The following ANKRD10 variants were observed in gnomAD, a reference collection of about 807,000 sequenced individuals.
The protein encoded by ANKRD10 is ankyrin repeat domain 10, also known as ankyrin repeat domain-containing protein 10.
ANKRD10 carries 14 observed loss-of-function variants against 27.0 expected under a neutral mutation model. The observed-to-expected ratio is 0.52, with a 90% CI of 0.34 to 0.81. The LOEUF (loss-of-function observed/expected upper bound fraction) is 0.81, where lower values mean the gene tolerates loss of function less well. ANKRD10 is among the 40% of genes least tolerant of loss of function. The probability of loss-of-function intolerance (pLI) is 0.01; values close to 1 mark genes in which losing one functional copy is unlikely to be tolerated. For missense variants in ANKRD10, 493 were observed against 544.0 expected, an observed-to-expected ratio of 0.91 and a Z score of 0.93; for synonymous variants, 250 against 224.5, an observed-to-expected ratio of 1.11 and a Z score of -1.01.
chr13:110,884,503 G>A (rs553817430), intron 4 of ANKRD10, among the ~76,000 whole-genome samples: 22 of 152,266 alleles, frequency 1.4e-4, no homozygotes, highest in Admixed American at 1.2e-3. Context: ...GTGTCTGAAC[G>A]GCTTCTCGTG....
At chr13:110,891,207 A>G (rs1311746537) in intron 4 of ANKRD10, among the ~76,000 whole-genome samples, 1 of 152,258 alleles carries the variant, frequency 6.6e-6, no homozygotes, top group African/African-American at 2.4e-5. Context: ...CAATTCGTGC[A>G]TGAGGGCATG....
At chr13:110,889,355 T>C (rs1178629781) in intron 4 of ANKRD10, among the ~76,000 whole-genome samples, 2 of 152,218 alleles carry the variant, frequency 1.3e-5, no homozygotes, top group African/African-American at 4.8e-5. Flanking sequence ...TATCCCAAGA[T>C]ACTTTCCATC....
intron 3 of ANKRD10, among the ~76,000 whole-genome samples, chr13:110,905,544 T>G (rs2065507776): frequency 6.6e-6 from 1 of 152,238 alleles, no homozygotes; most frequent in African/African-American, 2.4e-5. Context: ...ACAATGGGCT[T>G]TAAAACATAA....
chr13:110,914,253 T>G, intron 1 of ANKRD10, among the ~76,000 whole-genome samples: 1 of 152,002 alleles, frequency 6.6e-6, no homozygotes, highest in Non-Finnish European at 1.5e-5. Context: ...CGCCCGGGCA[T>G]TCCCCGCGCG....
intron 3 of ANKRD10, chr13:110,900,441 C>T: frequency 5.0e-6 from 5 of 1,004,190 alleles, no homozygotes; most frequent in Non-Finnish European, 6.2e-6. Flanking sequence ...AGGTAGATAT[C>T]ATAAATTAGG....
intron 5 of ANKRD10, among the ~76,000 whole-genome samples, chr13:110,881,528 ATT>A (rs3839993): frequency 8.5e-5 from 13 of 152,150 alleles, no homozygotes; most frequent in African/African-American, 2.7e-4. Context: ...AGGACAATAG[ATT>A]TTTTTTCCCC....
chr13:110,910,910 T>G (rs540758326), intron 1 of ANKRD10, 140 bp from the exon 2 acceptor site: 2 of 857,698 alleles, frequency 2.3e-6, no homozygotes, highest in Admixed American at 3.3e-5. Context: ...TCTTTCCCAA[T>G]GCCATGCAAA....
intron 2 of ANKRD10, 51 bp downstream of exon 2, chr13:110,910,567 C>G (rs747216678): frequency 1.2e-6 from 2 of 1,605,126 alleles, no homozygotes; most frequent in Non-Finnish European, 1.7e-6. Context: ...ATAATTATAA[C>G]TGCAAAAAGA....
Position 110,879,792 on chromosome 13 carries a change from C to A in ANKRD10, c.1108G>T (p.Asp370Tyr). 1 of 1,614,248 alleles carries A rather than the reference C, an allele frequency of 6.2e-7. No homozygotes were observed. The highest frequency in any genetic ancestry group is 8.5e-7 in the Non-Finnish European group (1 of 1,180,036). ...TGGTAGTGTCCATAGTACAGGTTAT[C>A]CCCAATGTCTTCCACCCAGGAAGGC... Reference protein sequence around the residue: ...SRPSWVEDIGDNLYYGHYHGF... With the variant: ...SRPSWVEDIGYNLYYGHYHGF... Residue 370 changes from aspartate to tyrosine, a missense_variant, in exon 6 of 6, where the codon GAT (aspartate) becomes TAT (tyrosine). Transcript: ENST00000267339.
At chr13:110,892,438 G>GAAAAAAAAAAAAAA (rs2065105005) in intron 4 of ANKRD10, among the ~76,000 whole-genome samples, 1 of 11,092 alleles carries the variant, frequency 9.0e-5, no homozygotes, top group African/African-American at 3.3e-4. Flanking sequence ...AAAAAAAAAT[G>GAAAAAAAAAAAAAA]GTGGGAGAAT....
At chr13:110,907,874 G>A (rs938917131) in intron 2 of ANKRD10, among the ~76,000 whole-genome samples, 1 of 151,708 alleles carries the variant, frequency 6.6e-6, no homozygotes, top group African/African-American at 2.4e-5. Flanking sequence ...AAAGAAAAAG[G>A]CTAAAAAGGA....
At chr13:110,888,109 C>A (rs990471793) in intron 4 of ANKRD10, among the ~76,000 whole-genome samples, 1 of 152,000 alleles carries the variant, frequency 6.6e-6, no homozygotes, top group Admixed American at 6.6e-5. Context: ...TGGGATGACT[C>A]CAGGCAGCAG....
At chr13:110,900,754 C>T (rs1388940921) in intron 3 of ANKRD10, 13 of 1,172,988 alleles carry the variant, frequency 1.1e-5, no homozygotes, top group African/African-American at 3.1e-5. Flanking sequence ...TGATTTAAAA[C>T]GGGCAATGGT....
In ANKRD10 at chr13:110,879,325, T is replaced by G. The variant is rs530558781; in HGVS notation, c.*312A>C. 3.4e-6 allele frequency: 1 copy of G among 296,868 alleles called. No homozygotes were observed. The highest frequency in any genetic ancestry group is 6.2e-5 in the East Asian group (1 of 16,110). 18.4% of individuals were successfully genotyped at this position (296,868 alleles called of 1,614,324 possible). On this transcript the variant is annotated 3_prime_UTR_variant, in exon 6 of 6. Transcript: ENST00000267339. ...CCAATTTATCTTGATCATATAATCT[T>G]TTAACAAAAAGAAAAATGGCAATAT...
At chr13:110,888,697 C>T (rs180793252) in intron 4 of ANKRD10, among the ~76,000 whole-genome samples, 2 of 152,258 alleles carry the variant, frequency 1.3e-5, no homozygotes, top group East Asian at 3.9e-4. Flanking sequence ...GGACAAAAGG[C>T]AGAGATCCTT....
chr13:110,893,131 C>T lies in ANKRD10; in HGVS notation c.588G>A (p.Gly196=), dbSNP rs775219691. 1.5e-5 allele frequency: 24 copies of T among 1,614,030 alleles called. No individual in the cohort carries two copies. Among genetic ancestry groups the T allele is most frequent in the Non-Finnish European group, 1.9e-5 (22 of 1,180,046 alleles). The stretch of plus-strand genomic sequence containing the variant: ...GATTAGGAAATACATTCTGATGACC[C>T]CCATTTAAGATGCCATTGTTATAGA... ...NHFYNNGILN[G]GHQNVFPNHI... Residue 196 remains glycine, a synonymous_variant, in exon 4 of 6, where the codon GGG becomes GGA. Transcript: ENST00000267339.
chr13:110,880,119 TAAG>T lies in ANKRD10; in HGVS notation c.788-10_788-8del. 6.2e-7 allele frequency: 1 copy of T among 1,607,418 alleles called. No individual in the cohort carries two copies. The highest frequency in any genetic ancestry group is 8.5e-7 in the Non-Finnish European group (1 of 1,175,290). Reference sequence around the variant, plus strand: ...GAGCTACTGTTTTTCATATCTGCATTAAGAAATACACCTGTCACCAAAATTCAG... The same window carrying T: ...GAGCTACTGTTTTTCATATCTGCATTAAATACACCTGTCACCAAAATTCAG... On this transcript the variant is annotated splice_region_variant and splice_polypyrimidine_tract_variant and intron_variant, in intron 5 of 5. Coordinates refer to ENST00000267339, the MANE Select transcript of ANKRD10 (RefSeq NM_017664.4).
intron 3 of ANKRD10, 40 bp from the exon 4 acceptor site, chr13:110,893,303 T>A: frequency 6.3e-7 from 1 of 1,593,860 alleles, no homozygotes; most frequent in Non-Finnish European, 8.6e-7. Context: ...CCCATCCGCG[T>A]GCTAACCTGG....
chr13:110,908,653 G>A (rs185712038), intron 2 of ANKRD10, among the ~76,000 whole-genome samples: 2 of 152,328 alleles, frequency 1.3e-5, no homozygotes, highest in Admixed American at 6.5e-5. Flanking sequence ...TCTACCTGGA[G>A]ATGAGTCAGC....
Sources: allele counts gnomAD v4.1 joint callset (sites outside exome capture counted in the v4.1 genomes callset), GRCh38; gene constraint gnomAD v4.1.1; transcripts MANE v1.5; gene names NCBI Gene and HGNC (gene_info 2026-07-23, HGNC 2026-07-21).